Variants in SOX6 observed in about 807,000 individuals in gnomAD.
SOX6 encodes transcription factor SOX-6.
SOX6 carries 11 observed loss-of-function variants against 97.8 expected under a neutral mutation model. The observed-to-expected ratio is 0.11, with a 90% confidence interval of 0.07 to 0.19. SOX6 has a LOEUF of 0.19. SOX6 is among the 10% of genes least tolerant of loss of function. SOX6 has a pLI of 1.00. For synonymous variants in SOX6, 360 were observed against 371.4 expected (o/e 0.97, Z 0.35); for missense variants, 810 against 1,039.5 (o/e 0.78, Z 3.04).
chr11:16,675,359 C>T (rs976663793), intron 3 of SOX6, among the ~76,000 whole-genome samples: 1 of 152,096 alleles, frequency 6.6e-6, no homozygotes, highest in African/African-American at 2.4e-5. Flanking sequence ...TTATGTTGCC[C>T]AGGCTGATCT....
rs370223283 is a variant in SOX6, at chr11:16,402,590, C to A, written c.-4-61338G>T. The A allele has an allele frequency of 6.8e-5, 98 of 1,445,834 alleles. No individual in the cohort carries two copies. The East Asian group carries it at 1.6e-3, about 23-fold the overall frequency. The allele number at this position is 1,445,834 out of a possible 1,614,324, so 89.6% of individuals were successfully genotyped here. A position where few individuals can be genotyped will look rare whatever the true frequency, so the allele number is the denominator to read the frequency against. ...CTCAGAGATGGTGACAAAGAAATAT[C>A]GCTTTGTTTAATGAAAGCAGACTGA... On this transcript the variant is annotated intron_variant, in intron 1 of 15. Transcript: ENST00000396356.
chr11:16,138,170 AAAG>A (rs1397265808), intron 6 of SOX6, among the ~76,000 whole-genome samples: 1 of 152,222 alleles, frequency 6.6e-6, no homozygotes, highest in Non-Finnish European at 1.5e-5. Context: ...TTCTAGGAAT[AAAG>A]AAGCTTAATG....
intron 1 of SOX6, among the ~76,000 whole-genome samples, chr11:16,382,881 C>G (rs1264416184): frequency 6.6e-6 from 1 of 151,762 alleles, no homozygotes; most frequent in Non-Finnish European, 1.5e-5. Context: ...AAAGACCAAG[C>G]TCTTAACCGC....
chr11:16,108,753 C>T (rs1486742717), intron 7 of SOX6, among the ~76,000 whole-genome samples: 1 of 152,190 alleles, frequency 6.6e-6, no homozygotes, highest in Non-Finnish European at 1.5e-5. Flanking sequence ...CTCAGCAACC[C>T]ACTGAGGTGG....
chr11:16,045,296 T>A (rs1006011493), intron 12 of SOX6, among the ~76,000 whole-genome samples: 1 of 151,920 alleles, frequency 6.6e-6, no homozygotes, highest in Non-Finnish European at 1.5e-5. Context: ...CTTTGGGAGG[T>A]AATTAGGTTT....
intron 6 of SOX6, among the ~76,000 whole-genome samples, chr11:16,123,653 G>C (rs778369362): frequency 6.6e-6 from 1 of 151,838 alleles, no homozygotes; most frequent in Non-Finnish European, 1.5e-5. Context: ...TGCAACCCCT[G>C]ACCTCCACTC....
intron 4 of SOX6, among the ~76,000 whole-genome samples, chr11:16,207,744 G>GA (rs1430185615): frequency 8.6e-5 from 13 of 151,176 alleles, no homozygotes; most frequent in Middle Eastern, 3.4e-3. Flanking sequence ...ACTGTTTTTT[G>GA]AAAAAAAAGA....
At chr11:16,534,873 T>A (rs1861284652) in intron 4 of SOX6, among the ~76,000 whole-genome samples, 1 of 152,170 alleles carries the variant, frequency 6.6e-6, no homozygotes, top group Admixed American at 6.5e-5. Flanking sequence ...TTCTACAAAG[T>A]TCCTATCATT....
At chr11:16,523,426 G>A (rs1040270996) in intron 4 of SOX6, among the ~76,000 whole-genome samples, 33 of 152,136 alleles carry the variant, frequency 2.2e-4, no homozygotes, top group African/African-American at 8.0e-4. Context: ...GATGTTCTTT[G>A]AAACCAACGA....
At chr11:16,708,544 T>C (rs928744202) in intron 3 of SOX6, among the ~76,000 whole-genome samples, 2 of 152,236 alleles carry the variant, frequency 1.3e-5, no homozygotes, top group Non-Finnish European at 1.5e-5. Context: ...CTTTCAAATT[T>C]TGTTCAATTG....
At chr11:16,182,158 T>C (rs1213145863) in intron 6 of SOX6, among the ~76,000 whole-genome samples, 3 of 151,876 alleles carry the variant, frequency 2.0e-5, no homozygotes, top group Non-Finnish European at 4.4e-5. Flanking sequence ...GCTGTTCACC[T>C]GGAGTTCTCA....
chr11:16,628,657 G>A (rs138636576), intron 3 of SOX6, among the ~76,000 whole-genome samples: 52 of 151,758 alleles, frequency 3.4e-4, no homozygotes, highest in African/African-American at 1.2e-3. Flanking sequence ...AAAGAAAAAT[G>A]ACATTGGTAT....
rs1854167630 is a variant in SOX6 at position 16,269,129 on chromosome 11, C to T, written c.446-34458G>A. 3.3e-5 allele frequency among the ~76,000 whole-genome samples: 5 copies of T among 150,178 alleles called. 1 individual carries two copies. Among genetic ancestry groups the T allele is most frequent in the Admixed American group, 3.3e-4 (5 of 15,034 alleles). On this transcript the variant is annotated intron_variant, in intron 3 of 15. Coordinates refer to ENST00000683767, the MANE Select transcript of SOX6 (RefSeq NM_001367873.1). ...ATCTAACGTTATCTTTTTTAAATGGCTACCGCATTTGAATTTAATATATGG... is the reference window on the plus strand; with the variant it reads ...ATCTAACGTTATCTTTTTTAAATGGTTACCGCATTTGAATTTAATATATGG...
upstream of SOX6, among the ~76,000 whole-genome samples, chr11:16,359,719 A>G (rs1857161287): frequency 6.6e-6 from 1 of 152,198 alleles, no homozygotes; most frequent in Admixed American, 6.5e-5. Context: ...GTAGGGAACG[A>G]AGAGGAGGAA....
At chr11:16,332,339 A>G (rs956831304) in intron 2 of SOX6, among the ~76,000 whole-genome samples, 2 of 152,210 alleles carry the variant, frequency 1.3e-5, no homozygotes, top group African/African-American at 2.4e-5. Flanking sequence ...TAATTATCAT[A>G]TAAATATTTG....
At chr11:16,494,916 T>C (rs541561407) in intron 4 of SOX6, among the ~76,000 whole-genome samples, 37 of 152,214 alleles carry the variant, frequency 2.4e-4, no homozygotes, top group Admixed American at 4.6e-4. Context: ...GGAGCTCACA[T>C]TGGTTCTCAC....
intron 11 of SOX6, among the ~76,000 whole-genome samples, chr11:16,049,036 T>C (rs1847615254): frequency 6.6e-6 from 1 of 152,198 alleles, no homozygotes; most frequent in Non-Finnish European, 1.5e-5. Flanking sequence ...GCATTTAATA[T>C]GCATTTTTCT....
At chr11:16,271,669 T>C (rs902517179) in intron 3 of SOX6, among the ~76,000 whole-genome samples, 3 of 151,648 alleles carry the variant, frequency 2.0e-5, no homozygotes, top group Admixed American at 6.6e-5. Flanking sequence ...AGTGGGATCT[T>C]TTGATTTTTA....
chr11:16,461,109 A>C (rs1859916946), intron 1 of SOX6, among the ~76,000 whole-genome samples: 1 of 152,126 alleles, frequency 6.6e-6, no homozygotes, highest in Non-Finnish European at 1.5e-5. Flanking sequence ...CTGACAAGAG[A>C]TATTTAGTAC....
Sources: gnomAD v4.1 joint callset for allele counts (sites outside exome capture counted in the v4.1 genomes callset) on GRCh38, gnomAD v4.1.1 for gene constraint, MANE v1.5 for transcripts, NCBI Gene and HGNC (gene_info 2026-07-23, HGNC 2026-07-21) for gene names.